Variants in ACSS3 observed in about 807,000 individuals in gnomAD.
ACSS3 encodes acyl-CoA synthetase short-chain family member 3, mitochondrial.
A neutral mutation model predicts 84.2 loss-of-function variants in ACSS3; 64 were observed. The observed-to-expected ratio is 0.76, with a 90% CI of 0.62 to 0.94. The LOEUF (loss-of-function observed/expected upper bound fraction) is 0.94, where lower values mean the gene tolerates loss of function less well. Among genes scored for constraint, ACSS3 ranks in the 40% least tolerant of loss-of-function variants. ACSS3 has a pLI of 0.00. For missense variants in ACSS3, 815 were observed against 867.6 expected, an observed-to-expected ratio of 0.94 and a Z score of 0.76; for synonymous variants, 317 against 310.1, an observed-to-expected ratio of 1.02 and a Z score of -0.23.
intron 15 of ACSS3, among the ~76,000 whole-genome samples, chr12:81,254,339 T>C (rs2034242944): frequency 6.6e-6 from 1 of 152,154 alleles, no homozygotes; most frequent in Non-Finnish European, 1.5e-5. Context: ...TTAATGGCAA[T>C]TAGTGAATGA....
chr12:81,195,675 C>T (rs1565714641), intron 8 of ACSS3, among the ~76,000 whole-genome samples: 1 of 151,792 alleles, frequency 6.6e-6, no homozygotes, highest in Non-Finnish European at 1.5e-5. Context: ...ATCCCCCTTC[C>T]TTGTTCTCAA....
intron 2 of ACSS3, 161 bp from the exon 3 acceptor site, chr12:81,134,655 C>T: frequency 2.0e-6 from 1 of 495,020 alleles, no homozygotes; most frequent in African/African-American, 2.0e-5. Flanking sequence ...TGTTATTACT[C>T]TCACCATCTA....
chr12:81,120,750 C>T (rs1565987119), intron 2 of ACSS3, among the ~76,000 whole-genome samples: 2 of 152,050 alleles, frequency 1.3e-5, no homozygotes, highest in Non-Finnish European at 2.9e-5. Flanking sequence ...CTGAATAAAT[C>T]AATATAGGTT....
At chr12:81,143,388 G>A (rs1886185866) in intron 5 of ACSS3, 141 bp downstream of exon 5, 1 of 924,960 alleles carries the variant, frequency 1.1e-6, no homozygotes, top group South Asian at 2.9e-5. Flanking sequence ...TTTTTTTCCT[G>A]TGCCCAGTCT....
intron 8 of ACSS3, among the ~76,000 whole-genome samples, chr12:81,180,737 A>C (rs1355160886): frequency 6.6e-6 from 1 of 152,140 alleles, no homozygotes; most frequent in East Asian, 1.9e-4. Flanking sequence ...GCTGGTCTCA[A>C]ACTCCTGACC....
At chr12:81,197,948 G>A (rs112480181) in intron 8 of ACSS3, among the ~76,000 whole-genome samples, 60 of 151,992 alleles carry the variant, frequency 3.9e-4, no homozygotes, top group Non-Finnish European at 6.8e-4. Flanking sequence ...TGCTACCCCC[G>A]CTTAGCCTCC....
At chr12:81,087,546 TTAGTCAC>T in intron 1 of ACSS3, among the ~76,000 whole-genome samples, 1 of 152,038 alleles carries the variant, frequency 6.6e-6, no homozygotes, top group African/African-American at 2.4e-5. Flanking sequence ...AAAAAAAAAA[TTAGTCAC>T]TCCGTATTAT....
Position 81,117,775 on chromosome 12 carries a change from C to T in ACSS3, c.456+8071C>T, listed in dbSNP as rs145842385. 3.9e-5 allele frequency among the ~76,000 whole-genome samples: 6 copies of T among 152,196 alleles called. No individual in the cohort carries two copies. In the East Asian group the frequency reaches 1.2e-3, roughly 29 times the overall value. ...GGAAACAAGGAGATGACAAATGAAT[C>T]GGCACCCCATAACATAAATCCCCTT... On this transcript the variant is annotated intron_variant, in intron 2 of 15. Coordinates refer to ENST00000548058, the MANE Select transcript of ACSS3 (RefSeq NM_024560.4).
intron 8 of ACSS3, among the ~76,000 whole-genome samples, chr12:81,182,964 C>T (rs1460837721): frequency 6.6e-6 from 1 of 152,110 alleles, no homozygotes; most frequent in Non-Finnish European, 1.5e-5. Flanking sequence ...TGACACAGAA[C>T]AGACACCTCC....
chr12:81,202,076 G>A (rs907427320), intron 9 of ACSS3, among the ~76,000 whole-genome samples: 3 of 151,984 alleles, frequency 2.0e-5, no homozygotes, highest in Admixed American at 1.3e-4. Context: ...TCAGGAGTTC[G>A]AGACCAGCCT....
intron 7 of ACSS3, among the ~76,000 whole-genome samples, chr12:81,164,351 A>G (rs942915959): frequency 6.6e-6 from 1 of 152,134 alleles, no homozygotes; most frequent in African/African-American, 2.4e-5. Flanking sequence ...GTATAAATAC[A>G]CTCTGTGAGG....
intron 1 of ACSS3, among the ~76,000 whole-genome samples, chr12:81,107,044 TA>T (rs1883069051): frequency 6.6e-6 from 1 of 151,916 alleles, no homozygotes; most frequent in African/African-American, 2.4e-5. Flanking sequence ...TTAGACAGGT[TA>T]TTTTTTTTAA....
At chr12:81,183,678 A>C (rs2031081890) in intron 8 of ACSS3, among the ~76,000 whole-genome samples, 1 of 152,136 alleles carries the variant, frequency 6.6e-6, no homozygotes, top group African/African-American at 2.4e-5. Flanking sequence ...TAGACTTCAA[A>C]TCAAAAGCTG....
At chr12:81,196,640 A>G (rs1353337582) in intron 8 of ACSS3, among the ~76,000 whole-genome samples, 1 of 152,076 alleles carries the variant, frequency 6.6e-6, no homozygotes, top group African/African-American at 2.4e-5. Context: ...TAGAAAAGAG[A>G]TGTATTTCGG....
intron 7 of ACSS3, among the ~76,000 whole-genome samples, chr12:81,163,217 G>A (rs538237544): frequency 2.6e-5 from 4 of 152,238 alleles, no homozygotes; most frequent in South Asian, 2.1e-4. Context: ...TAGTTCAAAC[G>A]TTTCAAAAAT....
intron 7 of ACSS3, among the ~76,000 whole-genome samples, chr12:81,164,039 A>C: frequency 6.6e-6 from 1 of 152,168 alleles, no homozygotes; most frequent in Admixed American, 6.5e-5. Context: ...ATTGTACAAT[A>C]ATGTCCTACA....
intron 9 of ACSS3, among the ~76,000 whole-genome samples, chr12:81,211,442 C>T (rs1380371347): frequency 1.3e-5 from 2 of 152,244 alleles, no homozygotes; most frequent in East Asian, 3.9e-4. Context: ...CAATTTTATG[C>T]ATGCTCACAC....
upstream of ACSS3, chr12:81,078,037 C>A: frequency 7.2e-7 from 1 of 1,386,988 alleles, no homozygotes; most frequent in Non-Finnish European, 9.4e-7. Context: ...TTTGCCCCCG[C>A]CCCCTACTCC....
intron 13 of ACSS3, among the ~76,000 whole-genome samples, chr12:81,234,391 T>G (rs77432013): frequency 6.6e-6 from 1 of 151,490 alleles, no homozygotes; most frequent in East Asian, 1.9e-4. Context: ...AAAAAAATAT[T>G]TTATTTCTCT....
Sources: allele counts gnomAD v4.1 joint callset (sites outside exome capture counted in the v4.1 genomes callset), GRCh38; gene constraint gnomAD v4.1.1; transcripts MANE v1.5; gene names NCBI Gene and HGNC (gene_info 2026-07-23, HGNC 2026-07-21).